Variants in MAGI3 observed in about 807,000 individuals in gnomAD.
MAGI3 encodes membrane associated guanylate kinase, WW and PDZ domain containing 3.
A neutral mutation model predicts 121.8 loss-of-function variants in MAGI3; 43 were observed. That is an observed-to-expected ratio of 0.35 (90% CI 0.28 to 0.46). The LOEUF (loss-of-function observed/expected upper bound fraction) is 0.46, where lower values mean the gene tolerates loss of function less well. Ranked by LOEUF, MAGI3 falls within the 20% of genes least tolerant of loss-of-function variation. The pLI is 1.00. For missense variants in MAGI3, 1,547 were observed against 1,797.3 expected (o/e 0.86, Z 2.52); for synonymous variants, 553 against 639.3 (o/e 0.86, Z 2.04).
Position 113,549,536 on chromosome 1 carries a change from T to C in MAGI3, c.338T>C (p.Leu113Ser). 1 of 1,600,094 alleles carries C rather than the reference T, an allele frequency of 6.2e-7. No homozygotes were observed. Among genetic ancestry groups the C allele is most frequent in the Non-Finnish European group, 8.5e-7 (1 of 1,173,266 alleles). Residue 113 changes from leucine to serine, a missense_variant, in exon 2 of 21, where the codon TTG becomes TCG. Coordinates refer to ENST00000307546, the MANE Select transcript of MAGI3 (RefSeq NM_001142782.2). ...VKPGKVINKD[L>S]RHYLSLQFQK... Reference sequence around the variant, plus strand: ...CCAGGCAAAGTCATTAATAAAGATTTGCGGCATTACCTAAGTCTTCAGTTT... The same window carrying C: ...CCAGGCAAAGTCATTAATAAAGATTCGCGGCATTACCTAAGTCTTCAGTTT...
intron 1 of MAGI3, among the ~76,000 whole-genome samples, chr1:113,411,773 G>C (rs1281497209): frequency 4.6e-5 from 7 of 150,714 alleles, no homozygotes; most frequent in Admixed American, 4.6e-4. Context: ...ACAATATAAA[G>C]CAAGGAAAGT....
intron 1 of MAGI3, among the ~76,000 whole-genome samples, chr1:113,428,729 A>T (rs1330451375): frequency 1.3e-5 from 2 of 152,234 alleles, no homozygotes; most frequent in South Asian, 4.1e-4. Flanking sequence ...GAAATTGGGC[A>T]TAAATTTAAC....
intron 6 of MAGI3, among the ~76,000 whole-genome samples, chr1:113,596,090 G>A (rs1344203352): frequency 6.6e-6 from 1 of 151,618 alleles, no homozygotes; most frequent in East Asian, 1.9e-4. Context: ...CTGTTCATTA[G>A]CCAAAGAACC....
At chr1:113,444,888 T>C (rs1654094739) in intron 1 of MAGI3, among the ~76,000 whole-genome samples, 1 of 152,044 alleles carries the variant, frequency 6.6e-6, no homozygotes, top group Non-Finnish European at 1.5e-5. Flanking sequence ...AAAGTGGAAA[T>C]CTCAATAAAC....
intron 1 of MAGI3, among the ~76,000 whole-genome samples, chr1:113,543,771 G>A (rs1659400116): frequency 6.6e-6 from 1 of 151,952 alleles, no homozygotes. Context: ...GGGAGGCTGA[G>A]GTGGGAGGAT....
chr1:113,473,934 T>C (rs1655672643), intron 1 of MAGI3, among the ~76,000 whole-genome samples: 1 of 152,186 alleles, frequency 6.6e-6, no homozygotes, highest in South Asian at 2.1e-4. Flanking sequence ...ATCTGTTGTT[T>C]CCTGAATTTT....
intron 1 of MAGI3, among the ~76,000 whole-genome samples, chr1:113,487,167 C>T (rs1656421879): frequency 6.6e-6 from 1 of 151,916 alleles, no homozygotes; most frequent in African/African-American, 2.4e-5. Flanking sequence ...TCCTTGATCA[C>T]CAAGAATTCA....
intron 16 of MAGI3, among the ~76,000 whole-genome samples, chr1:113,666,637 A>G (rs983662778): frequency 6.6e-6 from 1 of 152,222 alleles, no homozygotes; most frequent in African/African-American, 2.4e-5. Flanking sequence ...AAATTATTCC[A>G]AATTCCCGTT....
chr1:113,405,152 C>G (rs1363032483), intron 1 of MAGI3, among the ~76,000 whole-genome samples: 1 of 151,910 alleles, frequency 6.6e-6, no homozygotes, highest in Non-Finnish European at 1.5e-5. Context: ...AGTATTTAGT[C>G]CAAGTTCCCT....
chr1:113,535,371 A>G (rs1252323478), intron 1 of MAGI3, among the ~76,000 whole-genome samples: 1 of 152,212 alleles, frequency 6.6e-6, no homozygotes, highest in Non-Finnish European at 1.5e-5. Flanking sequence ...CCACTGAGAA[A>G]TAAGCACATT....
In MAGI3 at chr1:113,521,701, C is replaced by T. The variant is rs1005328255; in HGVS notation, c.317-27814C>T. Among the ~76,000 whole-genome samples the T allele has an allele frequency of 2.3e-4, 35 of 152,132 alleles. 1 individual carries two copies. Among genetic ancestry groups the T allele is most frequent in the Non-Finnish European group, 4.4e-5 (3 of 68,020 alleles). ...GATTATAGGTGTGAGCCACTGCACC[C>T]AGCCACAGTTAGTGCTATTCTTAAT... On this transcript the variant is annotated intron_variant, in intron 1 of 20. Coordinates refer to ENST00000307546, the MANE Select transcript of MAGI3 (RefSeq NM_001142782.2).
intron 1 of MAGI3, among the ~76,000 whole-genome samples, chr1:113,469,923 G>T (rs1477510679): frequency 3.3e-5 from 5 of 152,046 alleles, no homozygotes; most frequent in Non-Finnish European, 7.4e-5. Context: ...AGGTTCAAAG[G>T]AAAAGATGTA....
Position 113,622,866 on chromosome 1 carries a change from C to G in MAGI3, c.1232C>G (p.Ala411Gly), listed in dbSNP as rs372895270. The G allele has an allele frequency of 2.5e-6, 4 of 1,600,070 alleles. No individual in the cohort carries two copies. In the African/African-American group the frequency reaches 5.4e-5, roughly 22 times the overall value. The change falls in exon 9 of 21, where the codon GCA (alanine) becomes GGA (glycine). Residue 411 changes from alanine to glycine, a missense_variant. Coordinates refer to ENST00000307546, the MANE Select transcript of MAGI3 (RefSeq NM_001142782.2). ...PSQLKGVLVR[A>G]SLKKSTMGFG... ...CAGCTTAAAGGTGTCCTTGTTCGAG[C>G]ATCACTGAAAAAAAGCACAATGGGA...
intron 19 of MAGI3, among the ~76,000 whole-genome samples, chr1:113,673,785 A>C (rs572379739): frequency 6.6e-6 from 1 of 152,338 alleles, no homozygotes; most frequent in East Asian, 1.9e-4. Flanking sequence ...TACACTTTTC[A>C]TCTTAATAAG....
intron 6 of MAGI3, among the ~76,000 whole-genome samples, chr1:113,609,936 TC>T (rs543673395): frequency 1.5e-3 from 223 of 152,290 alleles, no homozygotes; most frequent in African/African-American, 5.2e-3. Context: ...TTTTATACTA[TC>T]TTTTCCACAA....
chr1:113,460,988 A>G (rs923250239), intron 1 of MAGI3, among the ~76,000 whole-genome samples: 5 of 152,196 alleles, frequency 3.3e-5, no homozygotes, highest in African/African-American at 9.6e-5. Flanking sequence ...CCCAGTTGCC[A>G]CAAAAAGAAT....
intron 1 of MAGI3, among the ~76,000 whole-genome samples, chr1:113,472,574 C>T (rs905851661): frequency 6.6e-6 from 1 of 151,698 alleles, no homozygotes; most frequent in African/African-American, 2.4e-5. Context: ...TCCTCTCTTT[C>T]TACCTTCCTT....
chr1:113,659,275 C>G lies in MAGI3; in HGVS notation c.2815+10C>G. The stretch of plus-strand genomic sequence containing the variant: ...GTCATTGCTGAAGAAGGTAAGGAGC[C>G]AGTAGACGCGCCTGCCCCAAGCTGA... On this transcript the variant is annotated intron_variant, in intron 16 of 20. Transcript: ENST00000307546. The G allele has an allele frequency of 6.2e-7, 1 of 1,612,026 alleles. No individual in the cohort carries two copies. The highest frequency in any genetic ancestry group is 8.5e-7 in the Non-Finnish European group (1 of 1,179,540).
chr1:113,525,252 C>G (rs1188069790), intron 1 of MAGI3, among the ~76,000 whole-genome samples: 1 of 152,112 alleles, frequency 6.6e-6, no homozygotes, highest in East Asian at 1.9e-4. Flanking sequence ...TAGCTTTTTC[C>G]TTTTTTTATT....
Sources: allele counts gnomAD v4.1 joint callset (sites outside exome capture counted in the v4.1 genomes callset), GRCh38; gene constraint gnomAD v4.1.1; transcripts MANE v1.5; gene names NCBI Gene and HGNC (gene_info 2026-07-23, HGNC 2026-07-21).